INVS: variants seen among roughly 807,000 people sequenced by gnomAD.
INVS encodes inversion of embryo turning homolog.
In INVS, 86 loss-of-function variants were observed where a neutral mutation model predicts 108.8. The ratio of observed to expected loss-of-function variants is 0.79; its 90% confidence interval spans 0.66 to 0.95. The LOEUF is 0.95. INVS is among the 40% of genes least tolerant of loss of function. INVS has a pLI of 0.00. For missense variants in INVS, 1,169 were observed against 1,297.4 expected (o/e 0.90, Z 1.52); for synonymous variants, 455 against 473.5 (o/e 0.96, Z 0.51).
intron 11 of INVS, among the ~76,000 whole-genome samples, chr9:100,268,473 C>T (rs952927650): frequency 6.6e-6 from 1 of 152,102 alleles, no homozygotes; most frequent in Admixed American, 6.6e-5. Flanking sequence ...GGGAATGCAG[C>T]CCAGCAAGCC....
intron 3 of INVS, 92 bp from the exon 4 acceptor site, chr9:100,225,970 G>A: frequency 1.2e-6 from 1 of 848,588 alleles, no homozygotes. Flanking sequence ...TACTCTAGGA[G>A]AATAATTAAC....
chr9:100,167,407 C>A (rs1390198804), intron 3 of INVS, among the ~76,000 whole-genome samples: 7 of 152,148 alleles, frequency 4.6e-5, no homozygotes, highest in Non-Finnish European at 8.8e-5. Flanking sequence ...GTGAGTCAAG[C>A]TCTCACCACA....
chr9:100,278,421 A>G (rs912400773), intron 12 of INVS, among the ~76,000 whole-genome samples: 1 of 151,880 alleles, frequency 6.6e-6, no homozygotes, highest in Non-Finnish European at 1.5e-5. Context: ...CCATAGCCCT[A>G]TATAGTTACT....
intron 5 of INVS, among the ~76,000 whole-genome samples, chr9:100,230,091 T>G (rs1008076107): frequency 1.5e-3 from 222 of 152,312 alleles, no homozygotes; most frequent in African/African-American, 5.0e-3. Context: ...ACTACTTCCC[T>G]GAATCCTGAA....
intron 3 of INVS, among the ~76,000 whole-genome samples, chr9:100,157,898 T>C (rs961149762): frequency 2.6e-5 from 4 of 152,228 alleles, no homozygotes; most frequent in African/African-American, 9.6e-5. Context: ...TGCTACCTTT[T>C]CTGACACTTT....
rs923640563 is a variant in INVS at position 100,258,930 on chromosome 9, A to G, written c.1464+5794A>G. The stretch of plus-strand genomic sequence containing the variant: ...CAAACTCCATGCTGGGAGAACCACT[A>G]CTCTCTTCAAAGCTGTCAGACAGGG... On this transcript the variant is annotated intron_variant, in intron 10 of 16. Transcript: ENST00000262457. Among the ~76,000 whole-genome samples the G allele has an allele frequency of 2.0e-5, 3 of 151,932 alleles. No individual in the cohort carries two copies. In the East Asian group the frequency reaches 5.8e-4, roughly 29 times the overall value.
intron 3 of INVS, among the ~76,000 whole-genome samples, chr9:100,201,189 A>C (rs1177707558): frequency 1.3e-5 from 2 of 152,260 alleles, no homozygotes; most frequent in Non-Finnish European, 2.9e-5. Flanking sequence ...GTATGGAGGC[A>C]GGTCCACGTA....
chr9:100,112,918 G>A (rs1827387642), intron 2 of INVS, among the ~76,000 whole-genome samples: 1 of 152,194 alleles, frequency 6.6e-6, no homozygotes, highest in Non-Finnish European at 1.5e-5. Context: ...GGCAGAAAGT[G>A]TAAATGAATT....
rs180966014 is a variant in INVS at position 100,262,942 on chromosome 9, T to C, written c.1465-1880T>C. Among the ~76,000 whole-genome samples the C allele has an allele frequency of 5.0e-3, 766 of 152,110 alleles. 8 individuals carry two copies. Among genetic ancestry groups the C allele is most frequent in the African/African-American group, 0.017 (716 of 41,482 alleles). On this transcript the variant is annotated intron_variant, in intron 10 of 16. Coordinates refer to ENST00000262457, the MANE Select transcript of INVS (RefSeq NM_014425.5). ...TTTTGTATTTTTAGTAGAGAAGGGG[T>C]TTCACCATGTTGCCCACGGCTGTTC...
chr9:100,161,502 A>G (rs1829186898), intron 3 of INVS, among the ~76,000 whole-genome samples: 1 of 152,082 alleles, frequency 6.6e-6, no homozygotes, highest in African/African-American at 2.4e-5. Context: ...GAACTCACGA[A>G]AGGTAGGAAA....
At chr9:100,248,943 T>C (rs1362696606) in intron 8 of INVS, among the ~76,000 whole-genome samples, 1 of 152,148 alleles carries the variant, frequency 6.6e-6, no homozygotes, top group Non-Finnish European at 1.5e-5. Context: ...TCTCACTGTG[T>C]TGCCCAGGCT....
chr9:100,241,044 T>A (rs1831854527), intron 6 of INVS, among the ~76,000 whole-genome samples: 1 of 152,136 alleles, frequency 6.6e-6, no homozygotes, highest in African/African-American at 2.4e-5. Context: ...AGACAAAAAA[T>A]TTAGCACAGA....
intron 9 of INVS, 74 bp from the exon 10 acceptor site, chr9:100,252,833 G>A (rs1373978330): frequency 9.7e-7 from 1 of 1,027,874 alleles, no homozygotes; most frequent in African/African-American, 1.6e-5. Context: ...AGGAACAATT[G>A]TTTTTTCTAC....
chr9:100,138,700 C>CTTTTT (rs36096327), intron 3 of INVS, among the ~76,000 whole-genome samples: 1 of 124,936 alleles, frequency 8.0e-6, no homozygotes, highest in East Asian at 2.5e-4. Context: ...TGATGGTTTC[C>CTTTTT]TTTTTTTTTT....
intron 10 of INVS, among the ~76,000 whole-genome samples, chr9:100,259,001 T>A (rs1832519941): frequency 6.6e-6 from 1 of 152,230 alleles, no homozygotes; most frequent in South Asian, 2.1e-4. Context: ...TTCAGCTATG[T>A]CCTGCCCCCA....
intron 3 of INVS, among the ~76,000 whole-genome samples, chr9:100,223,790 C>T (rs1831221322): frequency 6.6e-6 from 1 of 152,216 alleles, no homozygotes; most frequent in South Asian, 2.1e-4. Flanking sequence ...GTCTACAGAT[C>T]CTCTTTCCTA....
At chr9:100,204,392 T>C (rs916765664) in intron 3 of INVS, among the ~76,000 whole-genome samples, 2 of 152,178 alleles carry the variant, frequency 1.3e-5, no homozygotes, top group African/African-American at 4.8e-5. Context: ...ACTAAAGAAG[T>C]TGAATAGTTG....
chr9:100,181,494 A>C (rs1017425135), intron 3 of INVS, among the ~76,000 whole-genome samples: 44 of 152,210 alleles, frequency 2.9e-4, no homozygotes, highest in African/African-American at 1.0e-3. Context: ...CAGCTAAATC[A>C]TGAGTGAACT....
At chr9:100,139,989 C>T (rs1391525028) in intron 3 of INVS, among the ~76,000 whole-genome samples, 5 of 152,258 alleles carry the variant, frequency 3.3e-5, no homozygotes, top group Admixed American at 6.5e-5. Context: ...TTTGTACATT[C>T]GTTATGTTGT....
Sources: allele counts gnomAD v4.1 joint callset (sites outside exome capture counted in the v4.1 genomes callset), GRCh38; gene constraint gnomAD v4.1.1; transcripts MANE v1.5; gene names NCBI Gene and HGNC (gene_info 2026-07-23, HGNC 2026-07-21).